ZMIZ1: variants seen among roughly 807,000 people sequenced by gnomAD.
ZMIZ1 encodes the protein zinc finger MIZ-type containing 1, also known as zinc finger MIZ domain-containing protein 1.
Under a neutral mutation model 113.9 loss-of-function variants are expected in ZMIZ1, and 17 were observed. The observed-to-expected ratio is 0.15, with a 90% confidence interval of 0.10 to 0.22. The LOEUF is 0.22. Ranked by LOEUF, ZMIZ1 falls within the 10% of genes least tolerant of loss-of-function variation. The pLI is 1.00. For synonymous variants in ZMIZ1, 607 were observed against 603.1 expected (o/e 1.01, Z -0.09); for missense variants, 1,059 against 1,477.8 (o/e 0.72, Z 4.65).
At chr10:79,280,181 A>T (rs1852632261) in intron 8 of ZMIZ1, among the ~76,000 whole-genome samples, 1 of 151,898 alleles carries the variant, frequency 6.6e-6, no homozygotes, top group African/African-American at 2.4e-5. Context: ...TAGAGATGGC[A>T]TTGCCCAGGC....
rs1216855583 is a variant in ZMIZ1 at position 79,216,087 on chromosome 10, C to G, written c.175-82C>G. The G allele has an allele frequency of 3.0e-6, 3 of 1,013,524 alleles. No homozygotes were observed. The African/African-American group carries it at 5.1e-5, about 17-fold the overall frequency. The allele number at this position is 1,013,524 out of a possible 1,614,324, so 62.8% of individuals were successfully genotyped here. A position where few individuals can be genotyped will look rare whatever the true frequency, so the allele number is the denominator to read the frequency against. ...GGGCACTGCCTTAGCTTGCCCACCT[C>G]ACCCACTTCACCTGCAAAATGGGCA... On this transcript the variant is annotated intron_variant, in intron 6 of 24. Coordinates refer to ENST00000334512, the MANE Select transcript of ZMIZ1 (RefSeq NM_020338.4).
intron 7 of ZMIZ1, among the ~76,000 whole-genome samples, chr10:79,264,065 C>T (rs534943892): frequency 1.3e-5 from 2 of 152,316 alleles, no homozygotes; most frequent in South Asian, 4.1e-4. Flanking sequence ...AAATTACATG[C>T]GGAATGGAAA....
intron 1 of ZMIZ1, among the ~76,000 whole-genome samples, chr10:79,105,086 T>C (rs1257180920): frequency 6.6e-6 from 1 of 152,126 alleles, no homozygotes; most frequent in African/African-American, 2.4e-5. Flanking sequence ...TGAAATGCTA[T>C]AAATATTTTC....
chr10:79,216,922 G>T (rs1196378689), intron 7 of ZMIZ1, among the ~76,000 whole-genome samples: 1 of 152,226 alleles, frequency 6.6e-6, no homozygotes, highest in Non-Finnish European at 1.5e-5. Context: ...GTCTGGGAGG[G>T]CTTTGAGCAC....
intron 4 of ZMIZ1, among the ~76,000 whole-genome samples, chr10:79,197,951 C>A (rs1847913138): frequency 6.6e-6 from 1 of 152,110 alleles, no homozygotes; most frequent in Non-Finnish European, 1.5e-5. Context: ...TAGGACCCCG[C>A]ACAGTGTCGT....
chr10:79,301,967 G>A (rs10824740), intron 17 of ZMIZ1, 140 bp from the exon 18 acceptor site: 222,525 of 735,438 alleles, frequency 0.3, 37,483 homozygotes, highest in African/African-American at 0.54. Flanking sequence ...GCTCAGGCTC[G>A]CAAGTCCCAG....
rs183111570 is a variant in ZMIZ1, at chr10:79,116,188, C to T, written c.-336-2727C>T. 3.1e-3 allele frequency among the ~76,000 whole-genome samples: 465 copies of T among 152,166 alleles called. 4 individuals carry two copies. The highest frequency in any genetic ancestry group is 0.011 in the African/African-American group (456 of 41,502). ...AGCCTGGGTCCCCAGGAGAGAATTG[C>T]CCTGTTGGGTGCTGGCAGCTGACCT... On this transcript the variant is annotated intron_variant, in intron 1 of 24. Transcript: ENST00000334512.
intron 7 of ZMIZ1, among the ~76,000 whole-genome samples, chr10:79,269,935 G>A (rs1488359789): frequency 6.6e-6 from 1 of 152,184 alleles, no homozygotes; most frequent in Non-Finnish European, 1.5e-5. Flanking sequence ...CTGGTCACTC[G>A]GCCTGTCTGA....
rs1164806283 is a variant in ZMIZ1 at position 79,192,966 on chromosome 10, TCTGACTTCC to T, written c.-49-8613_-49-8605del. Among the ~76,000 whole-genome samples the T allele has an allele frequency of 5.9e-5, 9 of 152,248 alleles. No homozygotes were observed. The East Asian group carries it at 1.7e-3, about 29-fold the overall frequency. ...CGTCTCCTGTCTCTCTGCCCTTCTT[TCTGACTTCC>T]CTGAGGTAGGGCACAAAGTCACTCT... On this transcript the variant is annotated intron_variant, in intron 4 of 24. Transcript: ENST00000334512.
At chr10:79,102,461 G>C (rs1177722256) in intron 1 of ZMIZ1, among the ~76,000 whole-genome samples, 2 of 152,256 alleles carry the variant, frequency 1.3e-5, no homozygotes, top group Non-Finnish European at 2.9e-5. Flanking sequence ...GATCCAGGGA[G>C]AGAAAGAAAT....
chr10:79,277,624 G>A (rs1852385493), intron 8 of ZMIZ1, among the ~76,000 whole-genome samples: 1 of 152,162 alleles, frequency 6.6e-6, no homozygotes, highest in Non-Finnish European at 1.5e-5. Flanking sequence ...AGGGTATTGG[G>A]CAAACCCAGA....
chr10:79,290,236 G>T (rs985137126), intron 9 of ZMIZ1, among the ~76,000 whole-genome samples: 1 of 152,186 alleles, frequency 6.6e-6, no homozygotes, highest in African/African-American at 2.4e-5. Context: ...TCTGACCCTG[G>T]ATGTATGGCC....
rs1340637953 is a variant in ZMIZ1, at chr10:79,293,434, G to T, written c.1011G>T (p.Arg337=). 6.5e-7 allele frequency: 1 copy of T among 1,527,560 alleles called. No individual in the cohort carries two copies. Among genetic ancestry groups the T allele is most frequent in the African/African-American group, 1.4e-5 (1 of 72,096 alleles). The allele number at this position is 1,527,560 out of a possible 1,614,324, so 94.6% of individuals were successfully genotyped here. A position where few individuals can be genotyped will look rare whatever the true frequency, so the allele number is the denominator to read the frequency against. ...NSQFMNQPGP[R]GPASMGGSMN... is the part of the protein sequence containing the mutation. Reference sequence around the variant, plus strand: ...AATTCATGAACCAGCCCGGGCCGCGGGGGCCTGCCTCCATGGGGGGCAGCA... The same window carrying T: ...AATTCATGAACCAGCCCGGGCCGCGTGGGCCTGCCTCCATGGGGGGCAGCA... Residue 337 remains arginine, a synonymous_variant, in exon 12 of 25, where the codon CGG becomes CGT. Coordinates refer to ENST00000334512, the MANE Select transcript of ZMIZ1 (RefSeq NM_020338.4).
intron 7 of ZMIZ1, among the ~76,000 whole-genome samples, chr10:79,253,966 C>T (rs1425011123): frequency 6.6e-6 from 1 of 152,234 alleles, no homozygotes; most frequent in Non-Finnish European, 1.5e-5. Context: ...GGGTTTTCCT[C>T]TCCGTTCAGA....
At chr10:79,157,866 T>G (rs1217252855) in intron 3 of ZMIZ1, among the ~76,000 whole-genome samples, 1 of 152,056 alleles carries the variant, frequency 6.6e-6, no homozygotes, top group Non-Finnish European at 1.5e-5. Flanking sequence ...TGTGTGGCGG[T>G]GGGGTTCTCC....
intron 3 of ZMIZ1, among the ~76,000 whole-genome samples, chr10:79,160,219 G>A (rs1268868996): frequency 6.6e-6 from 1 of 152,182 alleles, no homozygotes; most frequent in Non-Finnish European, 1.5e-5. Context: ...GGAAGTATTG[G>A]GGTCAGTGAA....
chr10:79,129,813 C>T (rs186028458), intron 2 of ZMIZ1, among the ~76,000 whole-genome samples: 4 of 152,360 alleles, frequency 2.6e-5, no homozygotes, highest in Non-Finnish European at 5.9e-5. Context: ...AGGGATCGCA[C>T]TGGCCCTTCC....
At chr10:79,142,347 G>A (rs1223640502) in intron 3 of ZMIZ1, among the ~76,000 whole-genome samples, 2 of 152,178 alleles carry the variant, frequency 1.3e-5, no homozygotes, top group African/African-American at 4.8e-5. Context: ...GAGATCACTC[G>A]AGAGTGTGTG....
chr10:79,205,597 G>A (rs1347276810), intron 5 of ZMIZ1, among the ~76,000 whole-genome samples: 7 of 152,136 alleles, frequency 4.6e-5, no homozygotes, highest in Admixed American at 1.3e-4. Flanking sequence ...TCAACTTTGC[G>A]GCAGCCCTGA....
Sources: gnomAD v4.1 joint callset for allele counts (sites outside exome capture counted in the v4.1 genomes callset) on GRCh38, gnomAD v4.1.1 for gene constraint, MANE v1.5 for transcripts, NCBI Gene and HGNC (gene_info 2026-07-23, HGNC 2026-07-21) for gene names.